The following GALNT13 variants were observed in gnomAD, a reference collection of about 807,000 sequenced individuals.
The protein encoded by GALNT13 is polypeptide N-acetylgalactosaminyltransferase 13.
Under a neutral mutation model 64.2 loss-of-function variants are expected in GALNT13, and 28 were observed. The observed-to-expected ratio is 0.44, with a 90% CI of 0.32 to 0.60. GALNT13 has a LOEUF of 0.60. Among genes scored for constraint, GALNT13 ranks in the 20% least tolerant of loss-of-function variants. GALNT13 has a pLI of 0.05. For missense variants in GALNT13, 577 were observed against 669.8 expected, an observed-to-expected ratio of 0.86 and a Z score of 1.53; for synonymous variants, 214 against 224.6, an observed-to-expected ratio of 0.95 and a Z score of 0.42.
intron 11 of GALNT13, among the ~76,000 whole-genome samples, chr2:154,411,860 G>A (rs1483533649): frequency 2.0e-5 from 3 of 151,444 alleles, no homozygotes; most frequent in Non-Finnish European, 4.4e-5. Context: ...GTAACTTATG[G>A]CAAGTTACAT....
chr2:153,835,669 C>A, the GALNT13 span, among the ~76,000 whole-genome samples: 1 of 151,890 alleles, frequency 6.6e-6, no homozygotes, highest in East Asian at 1.9e-4. Context: ...TTTGTCTATG[C>A]TTCATAATAT....
the GALNT13 span, among the ~76,000 whole-genome samples, chr2:153,296,192 G>C: frequency 1.3e-5 from 2 of 152,250 alleles, no homozygotes; most frequent in African/African-American, 4.8e-5. Flanking sequence ...CTTGAGGAAA[G>C]AGAATTTGAG....
At chr2:154,354,793 C>G (rs1696636052) in intron 9 of GALNT13, among the ~76,000 whole-genome samples, 1 of 151,956 alleles carries the variant, frequency 6.6e-6, no homozygotes, top group Non-Finnish European at 1.5e-5. Context: ...GTTTATCTGC[C>G]AGACATCATA....
the GALNT13 span, among the ~76,000 whole-genome samples, chr2:153,442,760 A>G: frequency 1.3e-5 from 2 of 152,182 alleles, no homozygotes; most frequent in Non-Finnish European, 2.9e-5. Context: ...GGAGGAATCT[A>G]GAGCAGCAAT....
At chr2:153,254,379 C>G in the GALNT13 span, among the ~76,000 whole-genome samples, 5 of 152,092 alleles carry the variant, frequency 3.3e-5, no homozygotes, top group Admixed American at 3.3e-4. Context: ...ATTAGTCTGG[C>G]TAACAGTCTG....
the GALNT13 span, among the ~76,000 whole-genome samples, chr2:153,767,003 G>T: frequency 2.0e-5 from 3 of 152,038 alleles, no homozygotes; most frequent in East Asian, 1.9e-4. Flanking sequence ...TTTTACATAG[G>T]TATATTGTGT....
the GALNT13 span, among the ~76,000 whole-genome samples, chr2:153,175,640 G>A: frequency 6.6e-5 from 10 of 152,144 alleles, no homozygotes; most frequent in African/African-American, 2.4e-4. Flanking sequence ...AAATCAGAAT[G>A]TAGTTTGTAT....
the GALNT13 span, among the ~76,000 whole-genome samples, chr2:153,815,310 C>A: frequency 6.6e-6 from 1 of 152,132 alleles, no homozygotes; most frequent in Admixed American, 6.6e-5. Context: ...TTTGTTCATA[C>A]TTTCTGTTCA....
the GALNT13 span, among the ~76,000 whole-genome samples, chr2:153,559,664 T>G: frequency 6.6e-6 from 1 of 152,054 alleles, no homozygotes; most frequent in Non-Finnish European, 1.5e-5. Flanking sequence ...ATCCTTCCAT[T>G]AAGAGATTTT....
chr2:154,295,693 C>T (rs1692883044), intron 8 of GALNT13, among the ~76,000 whole-genome samples: 1 of 152,046 alleles, frequency 6.6e-6, no homozygotes, highest in South Asian at 2.1e-4. Context: ...GCTCTAATGT[C>T]CACTGTAAAG....
chr2:154,127,247 A>T (rs1340654187), intron 3 of GALNT13, among the ~76,000 whole-genome samples: 3 of 152,164 alleles, frequency 2.0e-5, no homozygotes, highest in Non-Finnish European at 4.4e-5. Flanking sequence ...AACCCATAAT[A>T]TAAATAGATA....
the GALNT13 span, among the ~76,000 whole-genome samples, chr2:153,767,972 A>G: frequency 6.6e-5 from 10 of 151,896 alleles, no homozygotes; most frequent in African/African-American, 2.4e-4. Flanking sequence ...CCATTTGTCT[A>G]TTTTTGTTTT....
At chr2:153,420,058 T>A in the GALNT13 span, among the ~76,000 whole-genome samples, 1 of 152,110 alleles carries the variant, frequency 6.6e-6, no homozygotes, top group South Asian at 2.1e-4. Context: ...CTTATAATAA[T>A]GTTTAAGAAA....
the GALNT13 span, among the ~76,000 whole-genome samples, chr2:153,343,708 G>C: frequency 2.6e-5 from 4 of 151,738 alleles, no homozygotes; most frequent in African/African-American, 9.7e-5. Flanking sequence ...TCCTGACTAG[G>C]CCAGCTTCCT....
chr2:153,168,213 ATTC>A, the GALNT13 span, among the ~76,000 whole-genome samples: 1 of 152,226 alleles, frequency 6.6e-6, no homozygotes, highest in African/African-American at 2.4e-5. Flanking sequence ...CAGAATTTGC[ATTC>A]TTGTCAGAGT....
intron 8 of GALNT13, among the ~76,000 whole-genome samples, chr2:154,275,883 C>T (rs745781146): frequency 2.4e-4 from 36 of 152,298 alleles, no homozygotes; most frequent in African/African-American, 8.2e-4. Flanking sequence ...TACCCAAGGC[C>T]GTGGGAGCCC....
In GALNT13 at chr2:154,450,677, T is replaced by C; in HGVS notation, c.*126T>C. On this transcript the variant is annotated 3_prime_UTR_variant, in exon 13 of 13. Coordinates refer to ENST00000392825, the MANE Select transcript of GALNT13 (RefSeq NM_052917.4). Reference sequence around the variant, plus strand: ...TCCTTTTAGTATTCTAAAACACAATTGTTTCTAATTCGTTTCTAGAAATGT... The same window carrying C: ...TCCTTTTAGTATTCTAAAACACAATCGTTTCTAATTCGTTTCTAGAAATGT... 1 of 846,858 alleles carries C rather than the reference T, an allele frequency of 1.2e-6. No individual in the cohort carries two copies. Among genetic ancestry groups the C allele is most frequent in the Non-Finnish European group, 1.7e-6 (1 of 579,216 alleles). The allele number at this position is 846,858 out of a possible 1,614,324, so 52.5% of individuals were successfully genotyped here. A position where few individuals can be genotyped will look rare whatever the true frequency, so the allele number is the denominator to read the frequency against.
the GALNT13 span, among the ~76,000 whole-genome samples, chr2:153,469,892 A>G: frequency 1.8e-3 from 266 of 151,288 alleles, no homozygotes; most frequent in African/African-American, 6.3e-3. Flanking sequence ...AGAGATGTCA[A>G]ATGACTGATC....
chr2:153,088,635 G>A, the GALNT13 span, among the ~76,000 whole-genome samples: 1 of 151,974 alleles, frequency 6.6e-6, no homozygotes, highest in Admixed American at 6.6e-5. Flanking sequence ...TGTAAATTTG[G>A]GAGCTCCAGT....
Sources: gnomAD v4.1 joint callset for allele counts (sites outside exome capture counted in the v4.1 genomes callset) on GRCh38, gnomAD v4.1.1 for gene constraint, MANE v1.5 for transcripts, NCBI Gene and HGNC (gene_info 2026-07-23, HGNC 2026-07-21) for gene names.